Variants in PREP observed in about 807,000 individuals in gnomAD.
PREP encodes the protein prolyl endopeptidase, also known as dJ355L5.1 (prolyl endopeptidase).
In PREP, 29 loss-of-function variants were observed where a neutral mutation model predicts 87.6. The observed-to-expected ratio is 0.33, with a 90% confidence interval of 0.25 to 0.45. The LOEUF (loss-of-function observed/expected upper bound fraction) is 0.45. PREP is among the 20% of genes least tolerant of loss of function. PREP has a pLI of 1.00. For synonymous variants in PREP, 337 were observed against 328.6 expected (o/e 1.03, Z -0.28); for missense variants, 695 against 886.5 (o/e 0.78, Z 2.74).
At chr6:105,390,802 T>C (rs1044359031) in intron 2 of PREP, among the ~76,000 whole-genome samples, 3 of 152,066 alleles carry the variant, frequency 2.0e-5, no homozygotes, top group Non-Finnish European at 4.4e-5. Context: ...TTATGCAATA[T>C]AGACTACCTG....
intron 2 of PREP, among the ~76,000 whole-genome samples, chr6:105,395,330 T>G (rs1773261232): frequency 6.6e-6 from 1 of 152,204 alleles, no homozygotes. Context: ...TTACTTATTT[T>G]TTAATGTGTA....
intron 9 of PREP, among the ~76,000 whole-genome samples, chr6:105,325,959 T>A (rs1039417314): frequency 6.6e-6 from 1 of 152,010 alleles, no homozygotes; most frequent in Admixed American, 6.6e-5. Context: ...CTGAAATAAA[T>A]GTAAGGAGAA....
chr6:105,383,687 A>G (rs1232781804), intron 2 of PREP, among the ~76,000 whole-genome samples: 1 of 152,134 alleles, frequency 6.6e-6, no homozygotes, highest in Non-Finnish European at 1.5e-5. Context: ...CCGTGTGGGT[A>G]AATCAACTCG....
At chr6:105,339,962 C>T (rs1443204781) in intron 7 of PREP, among the ~76,000 whole-genome samples, 2 of 152,160 alleles carry the variant, frequency 1.3e-5, no homozygotes, top group Non-Finnish European at 2.9e-5. Flanking sequence ...AGTTGGAAAA[C>T]ACTCTGCAGG....
intron 7 of PREP, among the ~76,000 whole-genome samples, chr6:105,343,245 TTGACAAACC>T (rs1463450079): frequency 6.6e-6 from 1 of 152,206 alleles, no homozygotes; most frequent in African/African-American, 2.4e-5. Context: ...CATCTGATCT[TTGACAAACC>T]TGACAAAAAC....
intron 12 of PREP, 35 bp downstream of exon 12, chr6:105,285,451 G>A: frequency 6.4e-7 from 1 of 1,568,914 alleles, no homozygotes; most frequent in Non-Finnish European, 8.8e-7. Flanking sequence ...CTTTGATTAT[G>A]TCAGACTTGT....
intron 10 of PREP, among the ~76,000 whole-genome samples, chr6:105,293,697 T>C (rs1770348851): frequency 6.6e-6 from 1 of 152,048 alleles, no homozygotes; most frequent in African/African-American, 2.4e-5. Flanking sequence ...TTTTATCAAA[T>C]TCCTCTATGG....
rs200636983 is a variant in PREP, at chr6:105,382,188, G to A, written c.121-4669C>T. On this transcript the variant is annotated intron_variant, in intron 2 of 14. Transcript: ENST00000652536. Reference sequence around the variant, plus strand: ...GTAAAAGGACACAGAGTTTCAGTTAGACAGGAGAAATAAGTTCAAGAGATC... The same window carrying A: ...GTAAAAGGACACAGAGTTTCAGTTAAACAGGAGAAATAAGTTCAAGAGATC... Among the ~76,000 whole-genome samples the A allele has an allele frequency of 9.2e-5, 14 of 151,886 alleles. No homozygotes were observed. The East Asian group carries it at 2.7e-3, about 29-fold the overall frequency.
At chr6:105,362,920 T>G (rs1279490548) in intron 6 of PREP, among the ~76,000 whole-genome samples, 2 of 152,238 alleles carry the variant, frequency 1.3e-5, no homozygotes, top group African/African-American at 4.8e-5. Context: ...GTGTCTGTTC[T>G]GGAAGGTGAG....
At chr6:105,319,863 A>G (rs1490119912) in intron 10 of PREP, among the ~76,000 whole-genome samples, 7 of 152,164 alleles carry the variant, frequency 4.6e-5, no homozygotes, top group Admixed American at 4.6e-4. Flanking sequence ...GGGTTCTTCA[A>G]TCTTTTCACA....
intron 2 of PREP, among the ~76,000 whole-genome samples, chr6:105,389,255 G>A (rs912109341): frequency 6.6e-6 from 1 of 152,152 alleles, no homozygotes; most frequent in Non-Finnish European, 1.5e-5. Flanking sequence ...ATAACTGGGA[G>A]CTAAATTAAT....
intron 10 of PREP, among the ~76,000 whole-genome samples, chr6:105,297,686 T>C (rs1440492074): frequency 6.6e-6 from 1 of 152,122 alleles, no homozygotes; most frequent in Non-Finnish European, 1.5e-5. Context: ...CCCACTTGAG[T>C]AATAGGAAAA....
chr6:105,353,493 G>A (rs536730008), intron 6 of PREP, among the ~76,000 whole-genome samples: 23 of 152,194 alleles, frequency 1.5e-4, no homozygotes, highest in Non-Finnish European at 2.2e-4. Context: ...AAATGGGGCC[G>A]GGCGCAGTGG....
At chr6:105,324,349 C>T (rs1771091084) in intron 9 of PREP, among the ~76,000 whole-genome samples, 2 of 152,152 alleles carry the variant, frequency 1.3e-5, no homozygotes, top group Admixed American at 6.6e-5. Flanking sequence ...ATTGCTTTTC[C>T]AATTTGGATT....
chr6:105,333,216 T>C, intron 8 of PREP, 98 bp downstream of exon 8: 1 of 1,202,374 alleles, frequency 8.3e-7, no homozygotes, highest in Non-Finnish European at 1.2e-6. Flanking sequence ...GAAGGTTTTT[T>C]ACCTTGTAAC....
At chr6:105,331,672 A>G (rs1018478842) in intron 8 of PREP, among the ~76,000 whole-genome samples, 1 of 152,166 alleles carries the variant, frequency 6.6e-6, no homozygotes, top group African/African-American at 2.4e-5. Flanking sequence ...CTCAGTTTGG[A>G]CAGAAGCCAT....
chr6:105,314,448 A>C (rs1440051215), intron 10 of PREP, among the ~76,000 whole-genome samples: 1 of 152,258 alleles, frequency 6.6e-6, no homozygotes, highest in Non-Finnish European at 1.5e-5. Flanking sequence ...CTGATTTATC[A>C]ACAAAGTTTA....
At chr6:105,365,229 A>T (rs540956546) in intron 6 of PREP, among the ~76,000 whole-genome samples, 1 of 152,360 alleles carries the variant, frequency 6.6e-6, no homozygotes, top group East Asian at 1.9e-4. Context: ...CCTGGGTGAC[A>T]GAGTGGGATT....
chr6:105,302,716 G>A, intron 10 of PREP: 1 of 514,352 alleles, frequency 1.9e-6, no homozygotes, highest in Admixed American at 2.3e-5. Context: ...CGCGCCGCCT[G>A]TCAGTGGCGA....
Sources: gnomAD v4.1 joint callset for allele counts (sites outside exome capture counted in the v4.1 genomes callset) on GRCh38, gnomAD v4.1.1 for gene constraint, MANE v1.5 for transcripts, NCBI Gene and HGNC (gene_info 2026-07-23, HGNC 2026-07-21) for gene names.